The following RYR3 variants were observed in gnomAD, a reference collection of about 807,000 sequenced individuals.
The protein encoded by RYR3 is ryanodine receptor 3, also known as brain ryanodine receptor-calcium release channel.
Under a neutral mutation model 584.3 loss-of-function variants are expected in RYR3, and 207 were observed. The observed-to-expected ratio is 0.35, with a 90% confidence interval of 0.32 to 0.40. RYR3 has a LOEUF of 0.40. Among genes scored for constraint, RYR3 ranks in the 10% least tolerant of loss-of-function variants. The pLI is 1.00. For missense variants in RYR3, 5,616 were observed against 6,089.2 expected (o/e 0.92, Z 2.59); for synonymous variants, 2,416 against 2,248.5 (o/e 1.07, Z -2.11).
At chr15:33,584,330 T>G in intron 14 of RYR3, 65 bp from the exon 15 acceptor site, 1 of 834,560 alleles carries the variant, frequency 1.2e-6, no homozygotes, top group Non-Finnish European at 2.0e-6. Context: ...TCGACAGCTT[T>G]CCAAGTTCTC....
At chr15:33,575,634 T>C (rs1467683986) in intron 12 of RYR3, among the ~76,000 whole-genome samples, 1 of 152,114 alleles carries the variant, frequency 6.6e-6, no homozygotes, top group Non-Finnish European at 1.5e-5. Context: ...GGGAAGTTTA[T>C]AGCACTAAAT....
intron 67 of RYR3, among the ~76,000 whole-genome samples, chr15:33,792,952 C>T (rs554679943): frequency 1.3e-5 from 2 of 152,248 alleles, no homozygotes; most frequent in East Asian, 3.9e-4. Flanking sequence ...AGGTCAATGG[C>T]TCAGTTTTGC....
At chr15:33,454,412 T>C (rs933460709) in intron 1 of RYR3, among the ~76,000 whole-genome samples, 1 of 152,198 alleles carries the variant, frequency 6.6e-6, no homozygotes, top group African/African-American at 2.4e-5. Flanking sequence ...TGTGAGTATA[T>C]TGGCGGTAAC....
intron 5 of RYR3, among the ~76,000 whole-genome samples, chr15:33,535,223 A>G (rs975276864): frequency 6.6e-6 from 1 of 152,176 alleles, no homozygotes; most frequent in African/African-American, 2.4e-5. Context: ...TAATGGAAGG[A>G]TCCAGGTTGC....
chr15:33,679,648 C>A (rs1011904501), intron 38 of RYR3, among the ~76,000 whole-genome samples: 2 of 152,154 alleles, frequency 1.3e-5, no homozygotes, highest in Non-Finnish European at 2.9e-5. Context: ...AGGTGACTTG[C>A]CCAAGGTCAC....
chr15:33,683,655 G>A (rs185176597), intron 38 of RYR3, among the ~76,000 whole-genome samples: 4 of 152,232 alleles, frequency 2.6e-5, no homozygotes, highest in Admixed American at 2.6e-4. Flanking sequence ...GCAGCCCATG[G>A]AGGGTGAGCC....
At chr15:33,508,936 G>A (rs758291324) in intron 3 of RYR3, among the ~76,000 whole-genome samples, 1 of 152,112 alleles carries the variant, frequency 6.6e-6, no homozygotes, top group Non-Finnish European at 1.5e-5. Context: ...TGACTGCTAG[G>A]GGTTGTCTCC....
In RYR3 at chr15:33,540,799, A is replaced by G; in HGVS notation, c.555A>G (p.Ser185=). ...TTCTGTTTCTGCTGCAGCATCTCTC[A>G]GTATCAAATGGTAACATACAAGTGG... is the stretch of plus-strand genomic sequence containing the variant. ...SVSSERYLHL[S]VSNGNIQVDA... Residue 185 remains serine, a synonymous_variant, in exon 7 of 104, where the codon TCA becomes TCG. Transcript: ENST00000634891. The G allele has an allele frequency of 2.5e-6, 4 of 1,603,016 alleles. No homozygotes were observed. Among genetic ancestry groups the G allele is most frequent in the Middle Eastern group, 3.3e-4 (2 of 6,034 alleles).
intron 60 of RYR3, among the ~76,000 whole-genome samples, chr15:33,760,463 G>C (rs1375424791): frequency 5.3e-5 from 8 of 152,182 alleles, no homozygotes; most frequent in Admixed American, 2.0e-4. Context: ...CCTAGTCTCT[G>C]ATAAAACAGA....
chr15:33,578,661 G>A (rs567110669), intron 12 of RYR3, among the ~76,000 whole-genome samples: 12 of 152,044 alleles, frequency 7.9e-5, no homozygotes, highest in African/African-American at 2.7e-4. Context: ...AATGCATGCC[G>A]GGCCTAATAC....
At chr15:33,367,318 G>T (rs1323461672) in intron 1 of RYR3, among the ~76,000 whole-genome samples, 1 of 152,138 alleles carries the variant, frequency 6.6e-6, no homozygotes, top group Non-Finnish European at 1.5e-5. Flanking sequence ...TCTCCCTTTT[G>T]TCACTTTCTT....
intron 1 of RYR3, among the ~76,000 whole-genome samples, chr15:33,314,830 C>T (rs1350826120): frequency 6.6e-6 from 1 of 152,044 alleles, no homozygotes; most frequent in African/African-American, 2.4e-5. Flanking sequence ...GGGAGAACGG[C>T]GTGAGCCCGG....
intron 36 of RYR3, among the ~76,000 whole-genome samples, chr15:33,665,541 G>C (rs2063448334): frequency 6.6e-6 from 1 of 152,198 alleles, no homozygotes. Flanking sequence ...CCAAGACTGG[G>C]GTTGCCCACC....
Position 33,662,639 on chromosome 15 carries a change from G to A in RYR3, c.5109G>A (p.Val1703=), listed in dbSNP as rs1019625776. 2.5e-6 allele frequency: 4 copies of A among 1,613,934 alleles called. No homozygotes were observed. The highest frequency in any genetic ancestry group is 2.5e-6 in the Non-Finnish European group (3 of 1,179,922). ...TKALSMLTEA[V]QCSGAHIRDP... ...CTCTGAGTATGCTGACAGAGGCAGTGCAGTGCAGCGGGGCCCACATCCGAG... is the reference window on the plus strand; with the variant it reads ...CTCTGAGTATGCTGACAGAGGCAGTACAGTGCAGCGGGGCCCACATCCGAG... The change falls in exon 35 of 104, where the codon GTG becomes GTA. Residue 1703 remains valine (V), a synonymous_variant. Coordinates refer to ENST00000634891, the MANE Select transcript of RYR3 (RefSeq NM_001036.6).
Position 33,507,205 on chromosome 15 carries a change from G to A in RYR3, c.279+3467G>A, listed in dbSNP as rs943278142. 5.9e-5 allele frequency among the ~76,000 whole-genome samples: 9 copies of A among 152,194 alleles called. No homozygotes were observed. The South Asian group carries it at 1.5e-3, about 25-fold the overall frequency. The stretch of plus-strand genomic sequence containing the variant: ...GTGTTGAGTGTACAGAAGTCTTTCT[G>A]CAAAGATTACAATTCTGCAGCAATT... On this transcript the variant is annotated intron_variant, in intron 3 of 103. Coordinates refer to ENST00000634891, the MANE Select transcript of RYR3 (RefSeq NM_001036.6).
At chr15:33,345,861 T>G (rs1972399620) in intron 1 of RYR3, among the ~76,000 whole-genome samples, 1 of 152,234 alleles carries the variant, frequency 6.6e-6, no homozygotes, top group South Asian at 2.1e-4. Context: ...AATCATTCCA[T>G]CCACCCAGTA....
chr15:33,853,323 G>A (rs909135201), intron 95 of RYR3, among the ~76,000 whole-genome samples: 1 of 152,224 alleles, frequency 6.6e-6, no homozygotes, highest in Non-Finnish European at 1.5e-5. Flanking sequence ...CATAGTAGAT[G>A]TTTTCTCCCC....
chr15:33,705,096 ACTCTTTCTCT>A (rs1448486164), intron 42 of RYR3, among the ~76,000 whole-genome samples: 152 of 78,918 alleles, frequency 1.9e-3, no homozygotes, highest in African/African-American at 7.8e-3. Flanking sequence ...ATGCACACAC[ACTCTTTCTCT>A]CTCTCTCTCT....
chr15:33,416,721 C>A lies in RYR3; in HGVS notation c.52-56698C>A, dbSNP rs577586417. Among the ~76,000 whole-genome samples the A allele has an allele frequency of 2.6e-4, 39 of 152,134 alleles. 1 individual carries two copies. The South Asian group carries it at 8.1e-3, about 32-fold the overall frequency. On this transcript the variant is annotated intron_variant, in intron 1 of 103. Transcript: ENST00000634891. ...AGGTCCCAATTGTCAATTTTTGTTT[C>A]TGTTACATTTGCTTTTGAGGACTTA...
Sources: gnomAD v4.1 joint callset for allele counts (sites outside exome capture counted in the v4.1 genomes callset) on GRCh38, gnomAD v4.1.1 for gene constraint, MANE v1.5 for transcripts, NCBI Gene and HGNC (gene_info 2026-07-23, HGNC 2026-07-21) for gene names.